Variants in STK31 observed in about 807,000 individuals in gnomAD.
STK31 encodes the protein serine/threonine-protein kinase 31.
A neutral mutation model predicts 129.7 loss-of-function variants in STK31; 89 were observed. That is an observed-to-expected ratio of 0.69 (90% confidence interval 0.58 to 0.82). The LOEUF is 0.82. Ranked by LOEUF, STK31 falls within the 40% of genes least tolerant of loss-of-function variation. STK31 has a pLI of 0.00. For missense variants in STK31, 1,187 were observed against 1,176.4 expected (o/e 1.01, Z -0.13); for synonymous variants, 448 against 395.3 (o/e 1.13, Z -1.58).
chr7:23,804,973 C>T (rs996662087), intron 22 of STK31, among the ~76,000 whole-genome samples: 2 of 152,156 alleles, frequency 1.3e-5, no homozygotes, highest in South Asian at 2.1e-4. Context: ...CCTTATATTC[C>T]CATTTACTCC....
In STK31 at chr7:23,752,715, A is replaced by C; in HGVS notation, c.1018-2A>C. ...CGAGAATGTGTTTATTCTTTGTTTCAGCAAGAGAAGGCAGCTGCTGTGGAT... is the reference window on the plus strand; with the variant it reads ...CGAGAATGTGTTTATTCTTTGTTTCCGCAAGAGAAGGCAGCTGCTGTGGAT... On this transcript the variant is annotated splice_acceptor_variant, in intron 8 of 23. Transcript: ENST00000355870. LOFTEE classifies it high-confidence loss of function. 2 of 1,602,446 alleles carry C rather than the reference A, an allele frequency of 1.2e-6. No individual in the cohort carries two copies. The highest frequency in any genetic ancestry group is 1.7e-6 in the Non-Finnish European group (2 of 1,169,592).
intron 8 of STK31, among the ~76,000 whole-genome samples, chr7:23,745,560 A>C (rs1394425536): frequency 6.6e-6 from 1 of 152,130 alleles, no homozygotes; most frequent in Admixed American, 6.5e-5. Flanking sequence ...GGGTGTGTGA[A>C]AATGTGCAGC....
intron 11 of STK31, among the ~76,000 whole-genome samples, chr7:23,765,115 G>T (rs1161568241): frequency 6.6e-6 from 1 of 151,732 alleles, no homozygotes; most frequent in African/African-American, 2.4e-5. Flanking sequence ...GAGTGCAGTG[G>T]CCGATCTCCG....
At chr7:23,773,726 T>C (rs1790345974) in intron 15 of STK31, among the ~76,000 whole-genome samples, 1 of 94,786 alleles carries the variant, frequency 1.1e-5, no homozygotes, top group African/African-American at 5.1e-5. Context: ...CTTGTGTGTG[T>C]GTGTGTGAGT....
intron 8 of STK31, among the ~76,000 whole-genome samples, chr7:23,738,295 C>G (rs1371119663): frequency 6.6e-6 from 1 of 152,172 alleles, no homozygotes; most frequent in East Asian, 1.9e-4. Flanking sequence ...CTTCCATGCC[C>G]TTTCTGAGTG....
intron 1 of STK31, chr7:23,710,567 G>A: frequency 2.2e-6 from 3 of 1,389,616 alleles, no homozygotes; most frequent in Non-Finnish European, 2.8e-6. Context: ...CCATGAAGAC[G>A]CGGTCACGCA....
chr7:23,824,706 T>C (rs1246023454), intron 23 of STK31, among the ~76,000 whole-genome samples: 24 of 152,262 alleles, frequency 1.6e-4, no homozygotes, highest in South Asian at 6.2e-4. Flanking sequence ...CCAGTTTTTG[T>C]ACATTCAGTA....
intron 23 of STK31, among the ~76,000 whole-genome samples, chr7:23,818,180 TC>T (rs1793577707): frequency 6.6e-6 from 1 of 152,152 alleles, no homozygotes; most frequent in African/African-American, 2.4e-5. Context: ...TATCTCTTAA[TC>T]TCTGTTGAGC....
At chr7:23,753,051 A>G (rs1199826063) in intron 9 of STK31, among the ~76,000 whole-genome samples, 2 of 152,170 alleles carry the variant, frequency 1.3e-5, no homozygotes, top group Non-Finnish European at 2.9e-5. Context: ...CTAAGGTTAT[A>G]ACTGAGACTG....
intron 3 of STK31, among the ~76,000 whole-genome samples, chr7:23,717,097 CTTTTTTTTTT>C (rs70956911): frequency 2.3e-4 from 10 of 42,956 alleles, no homozygotes; most frequent in South Asian, 1.9e-3. Flanking sequence ...TCGCAACCTG[CTTTTTTTTTT>C]TTTTTTTTTT....
chr7:23,822,264 G>A (rs1166720682), intron 23 of STK31, among the ~76,000 whole-genome samples: 2 of 152,112 alleles, frequency 1.3e-5, no homozygotes, highest in African/African-American at 4.8e-5. Flanking sequence ...TCTGATCCAG[G>A]AGCATGGAGT....
chr7:23,787,358 A>G (rs529492185), intron 20 of STK31, among the ~76,000 whole-genome samples: 14 of 152,266 alleles, frequency 9.2e-5, no homozygotes, highest in African/African-American at 2.4e-4. Context: ...TCAGTCTCTT[A>G]TAGCTACTTT....
At chr7:23,717,940 G>T (rs541370088) in intron 4 of STK31, among the ~76,000 whole-genome samples, 3 of 152,232 alleles carry the variant, frequency 2.0e-5, no homozygotes, top group East Asian at 3.9e-4. Context: ...GAAGATTGAG[G>T]ATGAGGAGTT....
intron 23 of STK31, 130 bp from the exon 24 acceptor site, chr7:23,832,006 G>A: frequency 1.5e-6 from 1 of 645,904 alleles, no homozygotes; most frequent in Non-Finnish European, 2.7e-6. Flanking sequence ...GGGAGTACCA[G>A]ATACCTCGTC....
At chr7:23,804,337 A>G (rs376123221) in intron 22 of STK31, among the ~76,000 whole-genome samples, 13 of 152,100 alleles carry the variant, frequency 8.5e-5, no homozygotes, top group East Asian at 7.7e-4. Context: ...GTCTGCTTCT[A>G]CCACTCGAGT....
At chr7:23,727,472 G>T in intron 5 of STK31, 157 bp downstream of exon 5, 3 of 514,800 alleles carry the variant, frequency 5.8e-6, no homozygotes, top group South Asian at 2.1e-5. Flanking sequence ...AAAACATGTT[G>T]TTTTATAATC....
rs953407087 is a variant in STK31 at position 23,797,950 on chromosome 7, C to T, written c.2760+7004C>T. The stretch of plus-strand genomic sequence containing the variant: ...CTGATCCCACAGAAATCCAAGCTAC[C>T]GTCACAGAATGCAATAAACACCTCT... On this transcript the variant is annotated intron_variant, in intron 22 of 23. Coordinates refer to ENST00000355870, the MANE Select transcript of STK31 (RefSeq NM_031414.5). Among the ~76,000 whole-genome samples the T allele has an allele frequency of 4.6e-5, 7 of 152,242 alleles. No individual in the cohort carries two copies. The East Asian group carries it at 5.8e-4, about 13-fold the overall frequency.
chr7:23,773,290 G>A (rs1327597447), intron 15 of STK31, among the ~76,000 whole-genome samples: 1 of 152,068 alleles, frequency 6.6e-6, no homozygotes, highest in East Asian at 1.9e-4. Context: ...AGAACATGCG[G>A]TGTTTGGTTT....
intron 5 of STK31, among the ~76,000 whole-genome samples, chr7:23,727,871 TTAA>T (rs1409786967): frequency 3.9e-5 from 6 of 152,044 alleles, no homozygotes; most frequent in Non-Finnish European, 8.8e-5. Flanking sequence ...GCCTCAGATC[TTAA>T]TAATTATATT....
Sources: allele counts gnomAD v4.1 joint callset (sites outside exome capture counted in the v4.1 genomes callset), GRCh38; gene constraint gnomAD v4.1.1; transcripts MANE v1.5; gene names NCBI Gene and HGNC (gene_info 2026-07-23, HGNC 2026-07-21).